Variants in TRPM4 observed in about 807,000 individuals in gnomAD.
TRPM4 encodes transient receptor potential cation channel subfamily M member 4, also known as calcium-activated non-selective cation channel 1.
TRPM4 carries 124 observed loss-of-function variants against 135.6 expected under a neutral mutation model. The observed-to-expected ratio is 0.91, with a 90% CI of 0.79 to 1.06. The LOEUF (loss-of-function observed/expected upper bound fraction) is 1.06, where lower values mean the gene tolerates loss of function less well. Ranked by LOEUF, TRPM4 falls within the 50% of genes least tolerant of loss-of-function variation. TRPM4 has a pLI of 0.00. For synonymous variants in TRPM4, 745 were observed against 705.6 expected, an observed-to-expected ratio of 1.06 and a Z score of -0.88; for missense variants, 1,658 against 1,671.4, an observed-to-expected ratio of 0.99 and a Z score of 0.14.
At chr19:49,168,856 C>T in intron 6 of TRPM4, 120 bp downstream of exon 6, 1 of 1,099,268 alleles carries the variant, frequency 9.1e-7, no homozygotes, top group Admixed American at 2.0e-5. Context: ...AAGTGTCTTT[C>T]CCCGTCATTA....
chr19:49,196,327 A>C (rs1021775373), intron 16 of TRPM4, 113 bp from the exon 17 acceptor site: 4 of 972,316 alleles, frequency 4.1e-6, no homozygotes, highest in Non-Finnish European at 5.9e-6. Context: ...GGGCAGACTG[A>C]GTTTCGGGTC....
At chr19:49,191,385 A>C (rs1198012927) in intron 16 of TRPM4, among the ~76,000 whole-genome samples, 3 of 151,438 alleles carry the variant, frequency 2.0e-5, no homozygotes, top group Non-Finnish European at 1.5e-5. Flanking sequence ...TGTATCTTTA[A>C]AGTAGAGTCG....
rs1241752441 is a variant in TRPM4, at chr19:49,168,426, G to T, written c.612+3G>T. ...GAGACACCCTCATCAACCCCAAGGT[G>T]TGACCCAGGGACTTGGAAAAGGGGG... On this transcript the variant is annotated splice_donor_region_variant and intron_variant, in intron 5 of 24. Coordinates refer to ENST00000252826, the MANE Select transcript of TRPM4 (RefSeq NM_017636.4). 6.2e-7 allele frequency: 1 copy of T among 1,614,032 alleles called. No individual in the cohort carries two copies. Among genetic ancestry groups the T allele is most frequent in the East Asian group, 2.2e-5 (1 of 44,886 alleles).
intron 12 of TRPM4, among the ~76,000 whole-genome samples, chr19:49,187,704 T>G (rs891920136): frequency 6.6e-6 from 1 of 152,136 alleles, no homozygotes; most frequent in Non-Finnish European, 1.5e-5. Context: ...GAGCCGGCTG[T>G]GCGGGAGACC....
chr19:49,189,223 T>C, intron 14 of TRPM4, 132 bp downstream of exon 14: 5 of 1,333,980 alleles, frequency 3.7e-6, no homozygotes, highest in Non-Finnish European at 5.2e-6. Context: ...CCAGAAAGTC[T>C]CTCTTCTCTC....
rs200038418 is a variant in TRPM4 at position 49,196,760 on chromosome 19, G to T, written c.2531G>T (p.Gly844Val). 1.1e-5 allele frequency: 17 copies of T among 1,551,100 alleles called. No individual in the cohort carries two copies. Among genetic ancestry groups the T allele is most frequent in the Admixed American group, 3.8e-5 (2 of 52,832 alleles). The stretch of plus-strand genomic sequence containing the variant: ...GGCGGGGGCAGCCTCGCCAGCGGGG[G>T]CCCCGGGCCTGGCCATGCCTCACTG... ...SGGGGSLASG[G>V]PGPGHASLSQ... Residue 844 changes from glycine to valine, a missense_variant, in exon 17 of 25, where the codon GGC (glycine) becomes GTC (valine). Gly to Val is a moderately radical substitution (Grantham distance 109). Around this residue, in one of 3 missense-constraint regions of TRPM4, gnomAD observed 1,412 missense variants for 1,408.7 expected, o/e 1.00. Transcript: ENST00000252826.
Position 49,168,647 on chromosome 19 carries a change from A to G in TRPM4, c.707A>G (p.Asp236Gly), listed in dbSNP as rs543689956. The G allele has an allele frequency of 5.6e-6, 9 of 1,613,360 alleles. No homozygotes were observed. In the African/African-American group the frequency reaches 1.1e-4, roughly 19 times the overall value. ...AACTACTCGGCCTTCTTCCTGGTGG[A>G]CGACGGCACACACGGCTGCCTGGGG... ...DYNYSAFFLV[D>G]DGTHGCLGGE... Residue 236 changes from aspartate (D) to glycine (G), a missense_variant, in exon 6 of 25, where the codon GAC (aspartate) becomes GGC (glycine). Asp to Gly is a moderately conservative substitution (Grantham distance 94, BLOSUM62 -1). Around this residue, in one of 3 missense-constraint regions of TRPM4, gnomAD observed 1,412 missense variants for 1,408.7 expected, o/e 1.00. Coordinates refer to ENST00000252826, the MANE Select transcript of TRPM4 (RefSeq NM_017636.4).
intron 20 of TRPM4, among the ~76,000 whole-genome samples, chr19:49,204,988 T>TG (rs1969095137): frequency 7.2e-6 from 1 of 138,428 alleles, no homozygotes; most frequent in South Asian, 2.3e-4. Flanking sequence ...GGTTGTTTTT[T>TG]TTTTTTTTTT....
chr19:49,201,927 T>A (rs755148032), intron 19 of TRPM4, 37 bp from the exon 20 acceptor site: 1 of 1,608,998 alleles, frequency 6.2e-7, no homozygotes, highest in Non-Finnish European at 8.5e-7. Flanking sequence ...TAGGTCTCTG[T>A]CCCCCTCACC....
At chr19:49,167,523 G>A (rs548449939) in intron 3 of TRPM4, 16 of 268,854 alleles carry the variant, frequency 6.0e-5, no homozygotes, top group African/African-American at 4.9e-4. Context: ...CTCTCTCTGG[G>A]TCTTTGTCCC....
At chr19:49,166,684 GT>G (rs1306951928) in intron 3 of TRPM4, among the ~76,000 whole-genome samples, 1 of 142,142 alleles carries the variant, frequency 7.0e-6, no homozygotes, top group Non-Finnish European at 1.5e-5. Context: ...GTGGGTCACT[GT>G]CCTCATCTCT....
chr19:49,169,335 G>A (rs1157863352), intron 6 of TRPM4, among the ~76,000 whole-genome samples: 1 of 145,752 alleles, frequency 6.9e-6, no homozygotes, highest in Non-Finnish European at 1.5e-5. Context: ...GCAGTGGCGC[G>A]ATCTCGGCTC....
At chr19:49,192,849 A>G (rs1265160498) in intron 16 of TRPM4, among the ~76,000 whole-genome samples, 1 of 152,182 alleles carries the variant, frequency 6.6e-6, no homozygotes, top group Non-Finnish European at 1.5e-5. Flanking sequence ...AAAATAAAAA[A>G]AAGAACAAAA....
intron 5 of TRPM4, 40 bp from the exon 6 acceptor site, chr19:49,168,513 C>T: frequency 6.2e-7 from 1 of 1,613,716 alleles, no homozygotes; most frequent in East Asian, 2.2e-5. Context: ...CCTTCTGGCC[C>T]CGATGAGGAG....
chr19:49,168,054 G>A lies in TRPM4; in HGVS notation c.405G>A (p.Gln135=), dbSNP rs768696119. 3.5e-5 allele frequency: 57 copies of A among 1,611,618 alleles called. No homozygotes were observed. The Middle Eastern group carries it at 8.3e-4, about 23-fold the overall frequency. ...SGGPVLQTWL[Q]DLLRRGLVRA... ...GCCCCGTCCTCCAGACCTGGCTGCAGGACCTGCTGCGTCGTGGGCTGGTGC... is the reference window on the plus strand; with the variant it reads ...GCCCCGTCCTCCAGACCTGGCTGCAAGACCTGCTGCGTCGTGGGCTGGTGC... The change falls in exon 4 of 25, where the codon CAG becomes CAA. Residue 135 remains glutamine (Q), a synonymous_variant. Coordinates refer to ENST00000252826, the MANE Select transcript of TRPM4 (RefSeq NM_017636.4).
intron 16 of TRPM4, 81 bp downstream of exon 16, chr19:49,190,854 T>TC: frequency 7.8e-7 from 1 of 1,281,856 alleles, no homozygotes; most frequent in Non-Finnish European, 1.1e-6. Context: ...GTTGTGTTAG[T>TC]CCCCTCTTGA....
chr19:49,208,007 G>A (rs1296182408), intron 20 of TRPM4, among the ~76,000 whole-genome samples: 1 of 152,190 alleles, frequency 6.6e-6, no homozygotes, highest in Non-Finnish European at 1.5e-5. Context: ...AAGGTCACGT[G>A]AGTCACATGT....
rs2145995304 is a variant in TRPM4, at chr19:49,210,040, C to T, written c.3132-169C>T. Reference sequence around the variant, plus strand: ...CTGGGACTACAGGCGTGACCAAACGCCCTTGGCTCTAACCTGACTTCTAAT... The same window carrying T: ...CTGGGACTACAGGCGTGACCAAACGTCCTTGGCTCTAACCTGACTTCTAAT... On this transcript the variant is annotated intron_variant, in intron 20 of 24. Coordinates refer to ENST00000252826, the MANE Select transcript of TRPM4 (RefSeq NM_017636.4). This position sits in a 1 kb window ranked among gnomAD's most constrained non-coding sequence, Gnocchi z 4.1. 6.6e-6 allele frequency among the ~76,000 whole-genome samples: 1 copy of T among 152,282 alleles called. No individual in the cohort carries two copies. Among genetic ancestry groups the T allele is most frequent in the East Asian group, 1.9e-4 (1 of 5,184 alleles).
In TRPM4 at chr19:49,157,890, G is replaced by A. The variant is rs2041543043; in HGVS notation, c.24G>A (p.Gln8=). 1.3e-6 allele frequency: 2 copies of A among 1,535,094 alleles called. No individual in the cohort carries two copies. The highest frequency in any genetic ancestry group is 1.7e-6 in the Non-Finnish European group (2 of 1,146,468). Residue 8 remains glutamine, a splice_region_variant and synonymous_variant, in exon 1 of 25, where the codon CAG becomes CAA. Transcript: ENST00000252826. MVVPEKE[Q]SWIPKIFKKK... ...GCATGGTGGTGCCGGAGAAGGAGCA[G>A]GTGAGCGCCGGACCAGGGTCTGCGG...
Sources: allele counts gnomAD v4.1 joint callset (sites outside exome capture counted in the v4.1 genomes callset), GRCh38; gene constraint gnomAD v4.1.1; regional missense constraint gnomAD v4.1.1; non-coding constraint Gnocchi (gnomAD v3.1); transcripts MANE v1.5; gene names NCBI Gene and HGNC (gene_info 2026-07-23, HGNC 2026-07-21).